CAMK4: variants seen among roughly 807,000 people sequenced by gnomAD.
The protein encoded by CAMK4 is calcium/calmodulin dependent protein kinase IV, also known as calcium/calmodulin-dependent protein kinase type IV.
CAMK4 carries 22 observed loss-of-function variants against 44.9 expected under a neutral mutation model. The observed-to-expected ratio is 0.49, with a 90% CI of 0.35 to 0.70. CAMK4 has a LOEUF of 0.70. CAMK4 is among the 30% of genes least tolerant of loss of function. The pLI is 0.01. For synonymous variants in CAMK4, 218 were observed against 215.4 expected (o/e 1.01, Z -0.11); for missense variants, 498 against 586.8 (o/e 0.85, Z 1.56).
At position 111,377,028 on chromosome 5, in the gene CAMK4, T is replaced by C. The variant is rs527668883; in HGVS notation, c.386+86T>C. On this transcript the variant is annotated intron_variant, in intron 4 of 10. Coordinates refer to ENST00000282356, the MANE Select transcript of CAMK4 (RefSeq NM_001744.6). Reference sequence around the variant, plus strand: ...CTAAAGGACATTTCTCCTGAAACTTTTTATAATGACAGATTATACTTGTTG... The same window carrying C: ...CTAAAGGACATTTCTCCTGAAACTTCTTATAATGACAGATTATACTTGTTG... 1.5e-5 allele frequency: 12 copies of C among 807,264 alleles called. No homozygotes were observed. The African/African-American group carries it at 1.9e-4, about 13-fold the overall frequency. The allele number at this position is 807,264 out of a possible 1,614,324, so 50.0% of individuals were successfully genotyped here.
At chr5:111,345,141 A>G (rs982242869) in intron 2 of CAMK4, among the ~76,000 whole-genome samples, 1 of 151,942 alleles carries the variant, frequency 6.6e-6, no homozygotes, top group African/African-American at 2.4e-5. Flanking sequence ...AGAATCTCAT[A>G]TAATGAAGAG....
chr5:111,448,878 A>G (rs536490511), intron 6 of CAMK4, among the ~76,000 whole-genome samples: 1 of 152,350 alleles, frequency 6.6e-6, no homozygotes, highest in Admixed American at 6.5e-5. Context: ...ATTGTACAGA[A>G]GAACAAAGAT....
At chr5:111,361,263 T>C (rs1188131195) in intron 2 of CAMK4, among the ~76,000 whole-genome samples, 1 of 152,048 alleles carries the variant, frequency 6.6e-6, no homozygotes, top group African/African-American at 2.4e-5. Context: ...TAAGCTTTTT[T>C]GGCTTTGTAA....
At chr5:111,445,556 G>T (rs1753995857) in intron 5 of CAMK4, among the ~76,000 whole-genome samples, 1 of 152,088 alleles carries the variant, frequency 6.6e-6, no homozygotes, top group South Asian at 2.1e-4. Flanking sequence ...AGCCTCCAGA[G>T]TAGCTAGAAC....
chr5:111,333,602 C>A (rs1749270074), intron 1 of CAMK4, among the ~76,000 whole-genome samples: 1 of 151,428 alleles, frequency 6.6e-6, no homozygotes, highest in Non-Finnish European at 1.5e-5. Context: ...TATGTTAGGG[C>A]AGAAGTTTTA....
intron 1 of CAMK4, among the ~76,000 whole-genome samples, chr5:111,267,887 T>C (rs1226019101): frequency 6.6e-6 from 1 of 152,128 alleles, no homozygotes. Flanking sequence ...CATAGTGTAA[T>C]TGATTTGGAA....
chr5:111,231,705 A>C lies in CAMK4; in HGVS notation c.161+7061A>C, dbSNP rs144552822. Among the ~76,000 whole-genome samples the C allele has an allele frequency of 4.0e-3, 579 of 143,994 alleles. 4 individuals are homozygous for C. The highest frequency in any genetic ancestry group is 0.014 in the African/African-American group (567 of 40,956). 94.5% of individuals were successfully genotyped at this position (143,994 alleles called of 152,430 possible). On this transcript the variant is annotated intron_variant, in intron 1 of 10. Coordinates refer to ENST00000282356, the MANE Select transcript of CAMK4 (RefSeq NM_001744.6). ...TGCTATTTGCTTAATATTTTTATTT[A>C]AATTACCTTATTTTGTTAACCTAAA...
intron 1 of CAMK4, among the ~76,000 whole-genome samples, chr5:111,242,367 G>A (rs538612431): frequency 1.1e-3 from 167 of 152,186 alleles, no homozygotes; most frequent in Middle Eastern, 0.01. Flanking sequence ...CCTTGGCATC[G>A]TACCTAGTAT....
chr5:111,420,457 T>C (rs307530), intron 5 of CAMK4, among the ~76,000 whole-genome samples: 111,453 of 151,930 alleles, frequency 0.73, 41,062 homozygotes, highest in Middle Eastern at 0.79. Context: ...ATTGCCCTGG[T>C]CAGAACTTCC....
At chr5:111,403,522 C>T (rs553333857) in intron 5 of CAMK4, among the ~76,000 whole-genome samples, 37 of 152,050 alleles carry the variant, frequency 2.4e-4, no homozygotes, top group African/African-American at 8.9e-4. Context: ...ATAATTTTAC[C>T]TGTAAAAAGT....
chr5:111,377,226 CAAATT>C (rs1320245943), intron 4 of CAMK4, among the ~76,000 whole-genome samples: 2 of 151,846 alleles, frequency 1.3e-5, no homozygotes, highest in Non-Finnish European at 2.9e-5. Flanking sequence ...TGTCTAAAAT[CAAATT>C]AAATCTAAAC....
At chr5:111,452,352 A>G (rs1217423036) in intron 7 of CAMK4, among the ~76,000 whole-genome samples, 1 of 152,220 alleles carries the variant, frequency 6.6e-6, no homozygotes, top group Non-Finnish European at 1.5e-5. Context: ...TTGACTTGGT[A>G]GGTAATGGTG....
At chr5:111,415,381 T>A (rs1752780821) in intron 5 of CAMK4, among the ~76,000 whole-genome samples, 1 of 152,190 alleles carries the variant, frequency 6.6e-6, no homozygotes, top group Non-Finnish European at 1.5e-5. Context: ...TTATTTTACT[T>A]AATAATGTCC....
chr5:111,481,243 G>C (rs1038262662), intron 9 of CAMK4, among the ~76,000 whole-genome samples: 3 of 152,088 alleles, frequency 2.0e-5, no homozygotes, highest in African/African-American at 7.2e-5. Context: ...GATTGGAAAA[G>C]AAAAAGAAAA....
chr5:111,330,478 T>TG (rs1749118001), intron 1 of CAMK4, among the ~76,000 whole-genome samples: 1 of 131,616 alleles, frequency 7.6e-6, no homozygotes, highest in African/African-American at 3.1e-5. Context: ...TTTTTCTTTT[T>TG]TTGTTGTTGT....
intron 5 of CAMK4, among the ~76,000 whole-genome samples, chr5:111,401,578 A>T (rs1309868576): frequency 1.3e-5 from 2 of 152,194 alleles, no homozygotes; most frequent in Admixed American, 6.5e-5. Context: ...AGAAAAGATG[A>T]AATTGCAAAA....
intron 1 of CAMK4, among the ~76,000 whole-genome samples, chr5:111,289,654 G>T (rs751360010): frequency 6.6e-6 from 1 of 152,202 alleles, no homozygotes; most frequent in Non-Finnish European, 1.5e-5. Context: ...GTCTTTGTGG[G>T]TTGTGGGTTG....
At chr5:111,394,611 T>C (rs991820077) in intron 4 of CAMK4, 99 bp from the exon 5 acceptor site, 11 of 747,110 alleles carry the variant, frequency 1.5e-5, no homozygotes, top group Middle Eastern at 4.8e-4. Context: ...TTCAATTGTT[T>C]ATGTGCACCA....
At chr5:111,408,016 G>C (rs1039697191) in intron 5 of CAMK4, among the ~76,000 whole-genome samples, 2 of 151,972 alleles carry the variant, frequency 1.3e-5, no homozygotes, top group African/African-American at 4.8e-5. Flanking sequence ...GGCTGAGGCA[G>C]GAGAATCGCT....
Sources: allele counts gnomAD v4.1 joint callset (sites outside exome capture counted in the v4.1 genomes callset), GRCh38; gene constraint gnomAD v4.1.1; transcripts MANE v1.5; gene names NCBI Gene and HGNC (gene_info 2026-07-23, HGNC 2026-07-21).